The following PLA2G6 variants were observed in gnomAD, a reference collection of about 807,000 sequenced individuals.
PLA2G6 encodes 85/88 kDa calcium-independent phospholipase A2.
PLA2G6 carries 62 observed loss-of-function variants against 83.8 expected under a neutral mutation model. The observed-to-expected ratio is 0.74, with a 90% CI of 0.60 to 0.91. PLA2G6 has a LOEUF of 0.91. PLA2G6 is among the 40% of genes least tolerant of loss of function. PLA2G6 has a pLI of 0.00. For missense variants in PLA2G6, 944 were observed against 1,102.0 expected, an observed-to-expected ratio of 0.86 and a Z score of 2.03; for synonymous variants, 417 against 449.8, an observed-to-expected ratio of 0.93 and a Z score of 0.92.
At chr22:38,142,796 A>G (rs1348730942) in intron 4 of PLA2G6, 1 of 427,420 alleles carries the variant, frequency 2.3e-6, no homozygotes, top group Non-Finnish European at 4.4e-6. Flanking sequence ...TCTGGCTCAC[A>G]GTTTGTGCTC....
rs1351754356 is a variant in PLA2G6, at chr22:38,128,601, G to A, written c.1187-171C>T. On this transcript the variant is annotated intron_variant, in intron 8 of 16. Transcript: ENST00000332509. This position sits in a 1 kb window ranked among gnomAD's most constrained non-coding sequence, Gnocchi z 4.4. ...CCCTGACAGGGAGTGCTGCCCCCAG[G>A]CTGGTACATCCCAAGCAGCTTCCTA... Among the ~76,000 whole-genome samples, 2 of 152,192 alleles carry A rather than the reference G, an allele frequency of 1.3e-5. No homozygotes were observed. The highest frequency in any genetic ancestry group is 2.9e-5 in the Non-Finnish European group (2 of 68,034).
chr22:38,158,141 A>G (rs1256589676), intron 2 of PLA2G6, among the ~76,000 whole-genome samples: 2 of 150,000 alleles, frequency 1.3e-5, no homozygotes, highest in Non-Finnish European at 3.0e-5. Context: ...TTGCATCATC[A>G]TTGGGTCAAG....
intron 5 of PLA2G6, chr22:38,136,748 T>C (rs1231611469): frequency 1.3e-5 from 2 of 151,580 alleles, no homozygotes; most frequent in East Asian, 3.9e-4. Context: ...AGCTTTTTTT[T>C]TTTTTTTTTT....
intron 2 of PLA2G6, among the ~76,000 whole-genome samples, chr22:38,152,797 T>C (rs1381349362): frequency 6.6e-6 from 1 of 152,134 alleles, no homozygotes; most frequent in African/African-American, 2.4e-5. Flanking sequence ...AAAAAGTGTA[T>C]AACTTCCAAG....
At position 38,146,385 on chromosome 22, in the gene PLA2G6, T is replaced by C. The variant is rs565063123; in HGVS notation, c.210-732A>G. 41 of 152,990 alleles carry C rather than the reference T, an allele frequency of 2.7e-4. 3 individuals carry two copies. In the South Asian group the frequency reaches 8.4e-3, roughly 31 times the overall value. 9.5% of individuals were successfully genotyped at this position (152,990 alleles called of 1,614,324 possible). ...TTTTTGTTGACAGGGGGTCTTGCTA[T>C]GTTGCCCAGGCTGGTCTTGAACTCC... On this transcript the variant is annotated intron_variant, in intron 2 of 16. Coordinates refer to ENST00000332509, the MANE Select transcript of PLA2G6 (RefSeq NM_003560.4).
At chr22:38,121,941 T>A (rs1165562677) in intron 11 of PLA2G6, among the ~76,000 whole-genome samples, 1 of 152,098 alleles carries the variant, frequency 6.6e-6, no homozygotes, top group East Asian at 1.9e-4. Context: ...CCTCTCTGGT[T>A]CTCAGTTTCC....
At chr22:38,133,052 G>A (rs2088324740) in intron 6 of PLA2G6, 39 bp from the exon 7 acceptor site, 14 of 1,538,036 alleles carry the variant, frequency 9.1e-6, no homozygotes, top group Middle Eastern at 1.8e-4. Context: ...ACAGGCACTC[G>A]GGGAGCTGCC....
chr22:38,143,319 G>A lies in PLA2G6; in HGVS notation c.426-31C>T, dbSNP rs762415098. The A allele has an allele frequency of 2.5e-6, 4 of 1,603,400 alleles. No individual in the cohort carries two copies. The Admixed American group carries it at 5.0e-5, about 20-fold the overall frequency. On this transcript the variant is annotated intron_variant, in intron 3 of 16. Transcript: ENST00000332509. ...GGAGAGGGCCAGGGTGAGCAGAGGT[G>A]AGCAGGTGTGGTACAAGGTGGCAGG...
At chr22:38,121,871 G>C (rs1324815147) in intron 11 of PLA2G6, among the ~76,000 whole-genome samples, 1 of 152,166 alleles carries the variant, frequency 6.6e-6, no homozygotes, top group Non-Finnish European at 1.5e-5. Flanking sequence ...CTGAGGCTGG[G>C]GTAGAGAGCT....
chr22:38,145,697 C>T (rs780785631), intron 2 of PLA2G6, 44 bp from the exon 3 acceptor site: 43 of 1,381,100 alleles, frequency 3.1e-5, no homozygotes, highest in Middle Eastern at 3.9e-4. Flanking sequence ...ATGAGTAAGG[C>T]GGGACCCTCG....
In PLA2G6 at chr22:38,169,473, T is replaced by A; in HGVS notation, c.-45-2A>T. On this transcript the variant is annotated splice_acceptor_variant, in intron 1 of 16. Transcript: ENST00000332509. LOFTEE classifies it low-confidence loss of function (5UTR_SPLICE). ...GGCCCCACCGTCTTCCCCCTCTGTC[T>A]GGAAGAAAACGAGGTCTCTGGTCAG... is the stretch of plus-strand genomic sequence containing the variant. 6.5e-7 allele frequency: 1 copy of A among 1,550,308 alleles called. No homozygotes were observed.
intron 13 of PLA2G6, 165 bp from the exon 14 acceptor site, chr22:38,115,846 C>T (rs762340313): frequency 1.7e-4 from 255 of 1,474,026 alleles, no homozygotes; most frequent in Non-Finnish European, 2.0e-4. Context: ...CTGGCTAGTT[C>T]GTCCTGGTGG....
chr22:38,174,520 A>T (rs1049199979), intron 1 of PLA2G6, among the ~76,000 whole-genome samples: 1 of 152,218 alleles, frequency 6.6e-6, no homozygotes, highest in Non-Finnish European at 1.5e-5. Flanking sequence ...GGGTTCATAA[A>T]ACAGTCAACA....
At chr22:38,124,424 CCT>C (rs569663142) in intron 10 of PLA2G6, among the ~76,000 whole-genome samples, 47 of 152,288 alleles carry the variant, frequency 3.1e-4, no homozygotes, top group African/African-American at 9.9e-4. Flanking sequence ...TCCAGCGCGC[CCT>C]GACACGTCTC....
chr22:38,123,826 C>T lies in PLA2G6; in HGVS notation c.1428-568G>A, dbSNP rs1029691393. Among the ~76,000 whole-genome samples the T allele has an allele frequency of 8.5e-5, 13 of 152,080 alleles. No individual in the cohort carries two copies. Among genetic ancestry groups the T allele is most frequent in the African/African-American group, 3.1e-4 (13 of 41,388 alleles). On this transcript the variant is annotated intron_variant, in intron 10 of 16. Transcript: ENST00000332509. The surrounding 1 kb of genome is among the most constrained non-coding windows in gnomAD (Gnocchi z 4.1). Reference sequence around the variant, plus strand: ...CCAAACGCCTCTGAGGCAGACCCTCCCTGACATCCCTGTGCTTATTTATTT... The same window carrying T: ...CCAAACGCCTCTGAGGCAGACCCTCTCTGACATCCCTGTGCTTATTTATTT...
intron 7 of PLA2G6, chr22:38,130,345 T>A (rs2088133874): frequency 6.4e-6 from 1 of 155,102 alleles, no homozygotes; most frequent in African/African-American, 2.4e-5. Context: ...TGAGACGGAG[T>A]CTCACTCTGT....
intron 1 of PLA2G6, among the ~76,000 whole-genome samples, chr22:38,174,794 G>C (rs1279104985): frequency 1.3e-5 from 2 of 152,116 alleles, no homozygotes; most frequent in Non-Finnish European, 2.9e-5. Flanking sequence ...TGAGAGGAGG[G>C]GCCGTGGTTA....
intron 7 of PLA2G6, 81 bp from the exon 8 acceptor site, chr22:38,129,643 C>G (rs1327711161): frequency 3.0e-6 from 3 of 1,001,644 alleles, no homozygotes; most frequent in Non-Finnish European, 4.8e-6. Context: ...CCAGCCCCAA[C>G]CTGTCAACTC....
chr22:38,175,091 G>A (rs2090583894), intron 1 of PLA2G6, among the ~76,000 whole-genome samples: 1 of 152,148 alleles, frequency 6.6e-6, no homozygotes, highest in South Asian at 2.1e-4. Flanking sequence ...GCTGCTACCT[G>A]CCGCAGCTGC....
Sources: gnomAD v4.1 joint callset for allele counts (sites outside exome capture counted in the v4.1 genomes callset) on GRCh38, gnomAD v4.1.1 for gene constraint, Gnocchi (gnomAD v3.1) non-coding constraint, MANE v1.5 for transcripts, NCBI Gene and HGNC (gene_info 2026-07-23, HGNC 2026-07-21) for gene names.